The following GTF2F2 variants were observed in gnomAD, a reference collection of about 807,000 sequenced individuals.
The protein encoded by GTF2F2 is general transcription factor IIF subunit 2.
A neutral mutation model predicts 42.2 loss-of-function variants in GTF2F2; 23 were observed. The ratio of observed to expected loss-of-function variants is 0.55; its 90% CI spans 0.39 to 0.77. The LOEUF is 0.77. GTF2F2 is among the 30% of genes least tolerant of loss of function. GTF2F2 has a pLI of 0.00. For synonymous variants in GTF2F2, 105 were observed against 100.8 expected, an observed-to-expected ratio of 1.04 and a Z score of -0.25; for missense variants, 261 against 287.2, an observed-to-expected ratio of 0.91 and a Z score of 0.66.
At chr13:45,282,915 G>A (rs1341763285) in intron 7 of GTF2F2, among the ~76,000 whole-genome samples, 1 of 152,104 alleles carries the variant, frequency 6.6e-6, no homozygotes, top group African/African-American at 2.4e-5. Context: ...ATAAGTGGGT[G>A]GCCTAAAAAC....
intron 6 of GTF2F2, among the ~76,000 whole-genome samples, chr13:45,262,812 A>T (rs993583327): frequency 6.6e-6 from 1 of 151,816 alleles, no homozygotes; most frequent in South Asian, 2.1e-4. Flanking sequence ...TGGCATGATC[A>T]TAGCTCACTG....
chr13:45,156,132 A>G (rs957867888), intron 4 of GTF2F2, among the ~76,000 whole-genome samples: 5 of 152,172 alleles, frequency 3.3e-5, no homozygotes, highest in African/African-American at 4.8e-5. Context: ...TGCCAACTCT[A>G]GACAAAAATG....
intron 4 of GTF2F2, among the ~76,000 whole-genome samples, chr13:45,171,653 C>T (rs1180319013): frequency 6.6e-6 from 1 of 152,124 alleles, no homozygotes; most frequent in African/African-American, 2.4e-5. Context: ...CCATACAATT[C>T]ACCCATTTAA....
At chr13:45,127,492 A>ATTTT (rs34519885) in intron 1 of GTF2F2, among the ~76,000 whole-genome samples, 232 of 137,464 alleles carry the variant, frequency 1.7e-3, no homozygotes, top group African/African-American at 6.0e-3. Flanking sequence ...CGCCCAACTA[A>ATTTT]TTTTTTTTTT....
intron 5 of GTF2F2, among the ~76,000 whole-genome samples, chr13:45,215,992 T>C (rs886302759): frequency 1.5e-4 from 23 of 151,892 alleles, no homozygotes; most frequent in African/African-American, 4.6e-4. Context: ...TGGCTCACAC[T>C]TGTAATCCCG....
intron 5 of GTF2F2, among the ~76,000 whole-genome samples, chr13:45,242,063 T>TA (rs1312333203): frequency 2.6e-5 from 4 of 152,142 alleles, no homozygotes; most frequent in Admixed American, 6.5e-5. Context: ...GACGTATACT[T>TA]ACTATTGCAG....
chr13:45,165,328 TATA>T (rs1335339333), intron 4 of GTF2F2, among the ~76,000 whole-genome samples: 3 of 132,898 alleles, frequency 2.3e-5, no homozygotes, highest in African/African-American at 9.5e-5. Context: ...TATATATATA[TATA>T]TTTTTTTTTT....
intron 2 of GTF2F2, among the ~76,000 whole-genome samples, chr13:45,139,736 C>T (rs751621204): frequency 6.6e-6 from 1 of 152,084 alleles, no homozygotes; most frequent in Non-Finnish European, 1.5e-5. Context: ...ATAAACTCTA[C>T]CAGGTCAGGA....
chr13:45,182,745 A>G (rs770977724), intron 4 of GTF2F2, among the ~76,000 whole-genome samples: 2 of 152,098 alleles, frequency 1.3e-5, no homozygotes, highest in Admixed American at 6.5e-5. Flanking sequence ...ATTGGTAGCT[A>G]TTCTTCAGGT....
chr13:45,219,799 A>T (rs1874037125), intron 5 of GTF2F2, among the ~76,000 whole-genome samples: 1 of 152,178 alleles, frequency 6.6e-6, no homozygotes, highest in Admixed American at 6.5e-5. Flanking sequence ...TTTTGTTTTT[A>T]TGACTTGAAA....
chr13:45,145,651 G>C (rs1870154386), intron 2 of GTF2F2, among the ~76,000 whole-genome samples: 1 of 152,038 alleles, frequency 6.6e-6, no homozygotes, highest in Non-Finnish European at 1.5e-5. Flanking sequence ...TTTCTTACTT[G>C]TGCTTCTTTT....
intron 4 of GTF2F2, among the ~76,000 whole-genome samples, chr13:45,155,597 T>G (rs971318540): frequency 6.6e-6 from 1 of 152,214 alleles, no homozygotes; most frequent in Admixed American, 6.5e-5. Context: ...ATACAGTGTT[T>G]TCTCATTAAT....
intron 4 of GTF2F2, among the ~76,000 whole-genome samples, chr13:45,191,224 A>AAAAAAAAAAAAATATATATAT: frequency 4.0e-5 from 3 of 75,314 alleles, no homozygotes; most frequent in African/African-American, 3.0e-4. Flanking sequence ...ACAAAAAAAA[A>AAAAAAAAAAAAATATATATAT]ATATATATAT....
intron 5 of GTF2F2, among the ~76,000 whole-genome samples, chr13:45,246,014 A>T (rs994370206): frequency 1.9e-4 from 4 of 21,526 alleles, no homozygotes; most frequent in South Asian, 2.3e-3. Flanking sequence ...TTATTTATTT[A>T]TTTTATTTAT....
At chr13:45,165,576 C>A (rs979382889) in intron 4 of GTF2F2, among the ~76,000 whole-genome samples, 8 of 150,262 alleles carry the variant, frequency 5.3e-5, no homozygotes, top group African/African-American at 2.0e-4. Context: ...CGCCCCCCCC[C>A]GCCGCCCGCT....
In GTF2F2 at chr13:45,283,484, G is replaced by A; in HGVS notation, c.673G>A (p.Val225Ile). The A allele has an allele frequency of 6.2e-7, 1 of 1,612,150 alleles. No homozygotes were observed. Among genetic ancestry groups the A allele is most frequent in the Non-Finnish European group, 8.5e-7 (1 of 1,178,536 alleles). ...CTTAAAAGAAATTGGTGTTCAGAAT[G>A]TAAAAGGGATCCACAAAAACACATG... ...EILKEIGVQN[V>I]KGIHKNTWEL... The change falls in exon 8 of 8, where the codon GTA becomes ATA. Residue 225 changes from valine (V) to isoleucine (I), a missense_variant. Coordinates refer to ENST00000340473, the MANE Select transcript of GTF2F2 (RefSeq NM_004128.3).
At chr13:45,229,692 C>A (rs1874572448) in intron 5 of GTF2F2, among the ~76,000 whole-genome samples, 1 of 151,978 alleles carries the variant, frequency 6.6e-6, no homozygotes, top group African/African-American at 2.4e-5. Context: ...AGAAAGGAAA[C>A]CTGGCCAGAA....
chr13:45,267,810 A>ATTTTTTT (rs201281124), intron 7 of GTF2F2, among the ~76,000 whole-genome samples: 1 of 121,764 alleles, frequency 8.2e-6, no homozygotes, highest in African/African-American at 2.9e-5. Context: ...TTTTCTGTGG[A>ATTTTTTT]TTTTTTTTTT....
intron 5 of GTF2F2, among the ~76,000 whole-genome samples, chr13:45,213,583 CA>C: frequency 6.6e-6 from 1 of 152,160 alleles, no homozygotes; most frequent in Non-Finnish European, 1.5e-5. Context: ...GTATCCTCTA[CA>C]ACATTATAAA....
Sources: gnomAD v4.1 joint callset for allele counts (sites outside exome capture counted in the v4.1 genomes callset) on GRCh38, gnomAD v4.1.1 for gene constraint, MANE v1.5 for transcripts, NCBI Gene and HGNC (gene_info 2026-07-23, HGNC 2026-07-21) for gene names.